SLC35F1: variants seen among roughly 807,000 people sequenced by gnomAD.
SLC35F1 encodes chromosome 6 open reading frame 169.
In SLC35F1, 14 loss-of-function variants were observed where a neutral mutation model predicts 48.7. That is an observed-to-expected ratio of 0.29 (90% CI 0.19 to 0.45). SLC35F1 has a LOEUF of 0.45. SLC35F1 is among the 20% of genes least tolerant of loss of function. SLC35F1 has a pLI of 1.00. For synonymous variants in SLC35F1, 190 were observed against 202.2 expected, an observed-to-expected ratio of 0.94 and a Z score of 0.51; for missense variants, 404 against 500.0, an observed-to-expected ratio of 0.81 and a Z score of 1.83.
chr6:118,138,173 G>A (rs1773825499), intron 1 of SLC35F1, among the ~76,000 whole-genome samples: 1 of 152,002 alleles, frequency 6.6e-6, no homozygotes, highest in Non-Finnish European at 1.5e-5. Flanking sequence ...GCCAGGCATG[G>A]TAGTGCATGC....
chr6:118,033,563 A>G (rs1337100743), intron 1 of SLC35F1, among the ~76,000 whole-genome samples: 1 of 152,182 alleles, frequency 6.6e-6, no homozygotes, highest in Non-Finnish European at 1.5e-5. Context: ...CCATTGAGGA[A>G]ACAACAGGGC....
chr6:118,038,082 A>G (rs990725917), intron 1 of SLC35F1, among the ~76,000 whole-genome samples: 5 of 152,224 alleles, frequency 3.3e-5, no homozygotes, highest in Non-Finnish European at 7.3e-5. Context: ...TTGCAGCCAT[A>G]TAGATCCCAT....
intron 1 of SLC35F1, chr6:117,999,446 T>C (rs1386424257): frequency 5.1e-6 from 8 of 1,578,512 alleles, no homozygotes; most frequent in Non-Finnish European, 6.8e-6. Context: ...GGCTTCAGAG[T>C]AGATATCTCT....
intron 7 of SLC35F1, among the ~76,000 whole-genome samples, chr6:118,288,012 T>G (rs1381412858): frequency 1.9e-5 from 2 of 103,728 alleles, no homozygotes; most frequent in East Asian, 2.2e-4. Context: ...ATGATTTGGG[T>G]TTTTTTTTTT....
chr6:118,175,776 C>T (rs1057076741), intron 2 of SLC35F1, among the ~76,000 whole-genome samples: 2 of 152,046 alleles, frequency 1.3e-5, no homozygotes, highest in Non-Finnish European at 2.9e-5. Context: ...GAGAGTCATA[C>T]CTGAAGGTCA....
chr6:118,201,409 T>C (rs1376663273), intron 2 of SLC35F1, among the ~76,000 whole-genome samples: 1 of 152,180 alleles, frequency 6.6e-6, no homozygotes, highest in African/African-American at 2.4e-5. Context: ...TCAACAGATG[T>C]GAAATAAGGT....
intron 1 of SLC35F1, among the ~76,000 whole-genome samples, chr6:118,060,810 C>T: frequency 6.6e-6 from 1 of 152,156 alleles, no homozygotes; most frequent in East Asian, 1.9e-4. Flanking sequence ...CAGGGCTGCT[C>T]TTTTACACGT....
At chr6:118,259,260 G>T (rs1775683199) in intron 3 of SLC35F1, among the ~76,000 whole-genome samples, 1 of 151,892 alleles carries the variant, frequency 6.6e-6, no homozygotes, top group Non-Finnish European at 1.5e-5. Flanking sequence ...AGTAAGATTG[G>T]AACATTCATA....
intron 1 of SLC35F1, among the ~76,000 whole-genome samples, chr6:118,000,218 G>A (rs867076399): frequency 6.6e-6 from 1 of 152,118 alleles, no homozygotes; most frequent in African/African-American, 2.4e-5. Flanking sequence ...CTGGCAAACG[G>A]AATCCAGCAG....
At chr6:118,282,323 G>A (rs1013409323) in intron 6 of SLC35F1, among the ~76,000 whole-genome samples, 1 of 152,154 alleles carries the variant, frequency 6.6e-6, no homozygotes, top group Admixed American at 6.5e-5. Flanking sequence ...TGCTTTGCTT[G>A]GGAAACAGTA....
chr6:118,235,380 A>C, intron 2 of SLC35F1, 129 bp from the exon 3 acceptor site: 1 of 928,248 alleles, frequency 1.1e-6, no homozygotes, highest in Non-Finnish European at 1.6e-6. Flanking sequence ...ACGTTGATTT[A>C]TTTGTTTAAA....
intron 1 of SLC35F1, among the ~76,000 whole-genome samples, chr6:117,939,683 G>A (rs958995980): frequency 1.3e-5 from 2 of 152,212 alleles, no homozygotes; most frequent in African/African-American, 4.8e-5. Context: ...ACATCTTACT[G>A]TGGAGTTGAT....
intron 1 of SLC35F1, among the ~76,000 whole-genome samples, chr6:118,036,553 G>A (rs1188372976): frequency 6.6e-6 from 1 of 152,056 alleles, no homozygotes; most frequent in Non-Finnish European, 1.5e-5. Flanking sequence ...GAACTTTTAT[G>A]TTTTCACTGA....
chr6:118,284,547 C>T (rs1325430410), intron 6 of SLC35F1, among the ~76,000 whole-genome samples: 1 of 152,008 alleles, frequency 6.6e-6, no homozygotes, highest in African/African-American at 2.4e-5. Flanking sequence ...TCACAGTATG[C>T]CAGGACATGT....
chr6:118,268,600 ATTTTTTTTTT>A (rs139088554), intron 4 of SLC35F1, among the ~76,000 whole-genome samples: 959 of 87,938 alleles, frequency 0.011, 21 homozygotes, highest in African/African-American at 0.043. Flanking sequence ...ATATATATAT[ATTTTTTTTTT>A]TTTTTTTTTT....
chr6:118,007,952 T>A (rs924201063), intron 1 of SLC35F1, among the ~76,000 whole-genome samples: 7 of 152,174 alleles, frequency 4.6e-5, no homozygotes, highest in Non-Finnish European at 8.8e-5. Flanking sequence ...ACATCCCATT[T>A]TTCTTGCTAG....
intron 1 of SLC35F1, among the ~76,000 whole-genome samples, chr6:117,915,876 G>A (rs1313485764): frequency 6.6e-6 from 1 of 152,182 alleles, no homozygotes; most frequent in Non-Finnish European, 1.5e-5. Flanking sequence ...AGGCAGCCAG[G>A]ACGGAGAGGG....
intron 1 of SLC35F1, among the ~76,000 whole-genome samples, chr6:118,129,517 G>C (rs1318654053): frequency 6.6e-6 from 1 of 152,178 alleles, no homozygotes; most frequent in Non-Finnish European, 1.5e-5. Flanking sequence ...GGGGGACCCT[G>C]ATGGGAGTGA....
intron 1 of SLC35F1, chr6:117,999,433 A>G (rs1161314223): frequency 6.3e-7 from 1 of 1,587,146 alleles, no homozygotes; most frequent in African/African-American, 1.3e-5. Context: ...AGGCCCCTAC[A>G]AAGGCTTCAG....
Sources: gnomAD v4.1 joint callset for allele counts (sites outside exome capture counted in the v4.1 genomes callset) on GRCh38, gnomAD v4.1.1 for gene constraint, MANE v1.5 for transcripts, NCBI Gene and HGNC (gene_info 2026-07-23, HGNC 2026-07-21) for gene names.